Variants in LYPD6B observed in about 807,000 individuals in gnomAD.
LYPD6B encodes ly6/PLAUR domain-containing protein 6B.
LYPD6B carries 17 observed loss-of-function variants against 22.8 expected under a neutral mutation model. The ratio of observed to expected loss-of-function variants is 0.75; its 90% confidence interval spans 0.51 to 1.12. LYPD6B has a LOEUF of 1.12. LYPD6B is among the 50% of genes most tolerant of loss of function. The pLI, the probability that LYPD6B is intolerant of heterozygous loss-of-function variation, is 0.00. For synonymous variants in LYPD6B, 106 were observed against 91.6 expected, an observed-to-expected ratio of 1.16 and a Z score of -0.90; for missense variants, 221 against 258.3, an observed-to-expected ratio of 0.86 and a Z score of 0.99.
chr2:149,042,884 G>A (rs1036838666), intron 1 of LYPD6B, among the ~76,000 whole-genome samples: 1 of 152,192 alleles, frequency 6.6e-6, no homozygotes, highest in African/African-American at 2.4e-5. Flanking sequence ...GAAAAAGACA[G>A]TTAAATGTTA....
At chr2:149,209,342 T>C (rs1330945896) in intron 5 of LYPD6B, among the ~76,000 whole-genome samples, 4 of 151,962 alleles carry the variant, frequency 2.6e-5, no homozygotes, top group Admixed American at 2.0e-4. Context: ...TTGGACTAGG[T>C]TGGTAGGAGC....
At chr2:149,100,306 G>A (rs1352759937) in intron 1 of LYPD6B, among the ~76,000 whole-genome samples, 1 of 149,648 alleles carries the variant, frequency 6.7e-6, no homozygotes, top group East Asian at 2.0e-4. Context: ...TGACACTTTT[G>A]GTTTGGGAGG....
chr2:149,182,691 G>A (rs930462859), intron 3 of LYPD6B, among the ~76,000 whole-genome samples: 1 of 152,184 alleles, frequency 6.6e-6, no homozygotes, highest in African/African-American at 2.4e-5. Context: ...CAACCAACAA[G>A]GAGAAAGTCC....
rs1171655219 is a variant in LYPD6B at position 149,139,854 on chromosome 2, A to C, written c.5+8901A>C. Among the ~76,000 whole-genome samples, 3 of 152,214 alleles carry C rather than the reference A, an allele frequency of 2.0e-5. No individual in the cohort carries two copies. The South Asian group carries it at 6.2e-4, about 32-fold the overall frequency. On this transcript the variant is annotated intron_variant, in intron 2 of 6. Transcript: ENST00000409642. ...TGGACATAGTTGTGAACTCCTCTCC[A>C]TTTCCCATGAAAATTAGAGACATAT...
chr2:149,073,188 C>T (rs908804306), intron 1 of LYPD6B, among the ~76,000 whole-genome samples: 2 of 152,166 alleles, frequency 1.3e-5, no homozygotes, highest in African/African-American at 4.8e-5. Context: ...TCACTGCTTT[C>T]TGCAACCCTG....
At chr2:149,138,277 C>G (rs1042976004) in intron 2 of LYPD6B, among the ~76,000 whole-genome samples, 1 of 152,206 alleles carries the variant, frequency 6.6e-6, no homozygotes, top group African/African-American at 2.4e-5. Context: ...CAGGTGGAAT[C>G]TGACCACTTG....
chr2:149,212,854 G>T, intron 5 of LYPD6B, 138 bp from the exon 6 acceptor site: 2 of 717,992 alleles, frequency 2.8e-6, no homozygotes, highest in East Asian at 5.7e-5. Context: ...TCACTGCTAT[G>T]AAATGTCTTG....
At chr2:149,162,470 T>C (rs1236635089) in intron 3 of LYPD6B, among the ~76,000 whole-genome samples, 1 of 151,988 alleles carries the variant, frequency 6.6e-6, no homozygotes, top group Non-Finnish European at 1.5e-5. Flanking sequence ...CCATGTGGAG[T>C]ATTTACGGCT....
At chr2:149,076,796 A>T (rs575424583) in intron 1 of LYPD6B, among the ~76,000 whole-genome samples, 1 of 152,332 alleles carries the variant, frequency 6.6e-6, no homozygotes, top group South Asian at 2.1e-4. Flanking sequence ...AAAAAAGACC[A>T]AGAGTTGAAA....
At chr2:149,115,022 C>G (rs897066626) in intron 1 of LYPD6B, among the ~76,000 whole-genome samples, 5 of 152,174 alleles carry the variant, frequency 3.3e-5, no homozygotes, top group Non-Finnish European at 7.3e-5. Context: ...TCACTGCAGC[C>G]TCTGCCTCCA....
At chr2:149,198,438 A>T (rs1692957722) in intron 3 of LYPD6B, among the ~76,000 whole-genome samples, 1 of 152,206 alleles carries the variant, frequency 6.6e-6, no homozygotes, top group African/African-American at 2.4e-5. Flanking sequence ...TCTTTGACAG[A>T]AATGTAGTTG....
chr2:149,119,442 A>G (rs1687171507), intron 1 of LYPD6B, among the ~76,000 whole-genome samples: 1 of 152,224 alleles, frequency 6.6e-6, no homozygotes, highest in Non-Finnish European at 1.5e-5. Flanking sequence ...ACCACTGTTT[A>G]AAGAAAATAG....
At chr2:149,205,010 A>G in intron 3 of LYPD6B, 1 of 392,214 alleles carries the variant, frequency 2.5e-6, no homozygotes, top group Admixed American at 4.3e-5. Flanking sequence ...CCTGAACTCA[A>G]AAGGCCATCG....
intron 3 of LYPD6B, among the ~76,000 whole-genome samples, chr2:149,165,776 C>T (rs1483115489): frequency 1.3e-5 from 2 of 152,142 alleles, no homozygotes; most frequent in Non-Finnish European, 2.9e-5. Context: ...GCATGTTAAC[C>T]CTAATGCTTC....
chr2:149,097,169 G>GCGCCTGCCCTGCAC (rs1328218861), intron 1 of LYPD6B, among the ~76,000 whole-genome samples: 5 of 152,230 alleles, frequency 3.3e-5, no homozygotes, highest in Admixed American at 2.6e-4. Context: ...ACTGTCTTCT[G>GCGCCTGCCCTGCAC]CGCCTGCCCT....
intron 1 of LYPD6B, among the ~76,000 whole-genome samples, chr2:149,105,118 C>T (rs1386604784): frequency 6.6e-6 from 1 of 152,086 alleles, no homozygotes; most frequent in Non-Finnish European, 1.5e-5. Context: ...TCCTTTTCTC[C>T]ATTGAATGGC....
chr2:149,079,617 T>G (rs1685033106), intron 1 of LYPD6B, among the ~76,000 whole-genome samples: 1 of 152,222 alleles, frequency 6.6e-6, no homozygotes, highest in Non-Finnish European at 1.5e-5. Context: ...GTATTCTCTT[T>G]TTTTTCTTGC....
chr2:149,156,799 G>T (rs1689731271), intron 2 of LYPD6B, among the ~76,000 whole-genome samples: 1 of 152,120 alleles, frequency 6.6e-6, no homozygotes, highest in Non-Finnish European at 1.5e-5. Context: ...GGGGTACACA[G>T]TTCAGCCCAC....
At chr2:149,174,923 T>C (rs1691155321) in intron 3 of LYPD6B, among the ~76,000 whole-genome samples, 1 of 152,056 alleles carries the variant, frequency 6.6e-6, no homozygotes. Flanking sequence ...CCTGCACATG[T>C]ACCCCTGAAC....
Sources: gnomAD v4.1 joint callset for allele counts (sites outside exome capture counted in the v4.1 genomes callset) on GRCh38, gnomAD v4.1.1 for gene constraint, MANE v1.5 for transcripts, NCBI Gene and HGNC (gene_info 2026-07-23, HGNC 2026-07-21) for gene names.